HEATR5B: variants seen among roughly 807,000 people sequenced by gnomAD.
The protein encoded by HEATR5B is HEAT repeat containing 5B.
A neutral mutation model predicts 224.1 loss-of-function variants in HEATR5B; 156 were observed. The observed-to-expected ratio is 0.70, with a 90% CI of 0.61 to 0.80. The LOEUF is 0.80. HEATR5B is among the 30% of genes least tolerant of loss of function. HEATR5B has a pLI of 0.00. For missense variants in HEATR5B, 2,323 were observed against 2,535.5 expected, an observed-to-expected ratio of 0.92 and a Z score of 1.80; for synonymous variants, 1,027 against 893.0, an observed-to-expected ratio of 1.15 and a Z score of -2.68.
At chr2:36,982,370 A>G (rs1166983831) in intron 35 of HEATR5B, among the ~76,000 whole-genome samples, 1 of 152,208 alleles carries the variant, frequency 6.6e-6, no homozygotes, top group East Asian at 1.9e-4. Flanking sequence ...AGTCCTTAAA[A>G]AAGTATTTAT....
At chr2:37,059,795 T>C (rs570938785) in intron 12 of HEATR5B, among the ~76,000 whole-genome samples, 1 of 152,232 alleles carries the variant, frequency 6.6e-6, no homozygotes, top group South Asian at 2.1e-4. Context: ...TTTTTACATA[T>C]ATTTGTGTAA....
At chr2:37,065,427 C>A (rs959563622) in intron 9 of HEATR5B, among the ~76,000 whole-genome samples, 2 of 151,878 alleles carry the variant, frequency 1.3e-5, no homozygotes, top group African/African-American at 2.4e-5. Flanking sequence ...AATTCTCCTG[C>A]CTCAGCCTCC....
chr2:37,060,818 C>A, intron 11 of HEATR5B, 85 bp from the exon 12 acceptor site: 1 of 1,110,962 alleles, frequency 9.0e-7, no homozygotes, highest in Admixed American at 2.4e-5. Context: ...CCAACACAAA[C>A]TTTATGTAAT....
intron 2 of HEATR5B, among the ~76,000 whole-genome samples, chr2:37,079,609 A>G (rs1382171265): frequency 6.6e-6 from 1 of 152,194 alleles, no homozygotes; most frequent in African/African-American, 2.4e-5. Context: ...CAACTTACTA[A>G]GAAATAAACC....
chr2:37,058,946 C>T lies in HEATR5B; in HGVS notation c.1891G>A (p.Glu631Lys). ...FVAHCPELLTEDVIRKLMTPI... is the reference protein window; with the variant it reads ...FVAHCPELLTKDVIRKLMTPI... Reference sequence around the variant, plus strand: ...GTCATCAATTTTCGAATCACATCTTCAGTTAGTAGCTCAGGACAATGTGCA... The same window carrying T: ...GTCATCAATTTTCGAATCACATCTTTAGTTAGTAGCTCAGGACAATGTGCA... Residue 631 changes from glutamate to lysine, a missense_variant, in exon 13 of 36, where the codon GAA (glutamate) becomes AAA (lysine). Coordinates refer to ENST00000233099, the MANE Select transcript of HEATR5B (RefSeq NM_019024.3). The T allele has an allele frequency of 6.2e-7, 1 of 1,611,276 alleles. No individual in the cohort carries two copies. Among genetic ancestry groups the T allele is most frequent in the Non-Finnish European group, 8.5e-7 (1 of 1,178,286 alleles).
chr2:37,002,179 ACCAG>A, intron 32 of HEATR5B, 123 bp downstream of exon 32: 5 of 1,055,816 alleles, frequency 4.7e-6, no homozygotes, highest in Non-Finnish European at 6.9e-6. Flanking sequence ...TTAAAAAAAG[ACCAG>A]CTTCTTATTT....
intron 27 of HEATR5B, 89 bp downstream of exon 27, chr2:37,013,752 A>G: frequency 8.1e-7 from 1 of 1,227,686 alleles, no homozygotes; most frequent in Non-Finnish European, 1.1e-6. Context: ...TTTAAAAAAC[A>G]AAAATTTTTT....
chr2:37,015,252 A>C (rs1164465424), intron 26 of HEATR5B, among the ~76,000 whole-genome samples: 2 of 152,210 alleles, frequency 1.3e-5, no homozygotes, highest in African/African-American at 4.8e-5. Flanking sequence ...ATTCCATGGA[A>C]AATGAATTTA....
chr2:37,068,607 G>A, intron 8 of HEATR5B, 74 bp downstream of exon 8: 1 of 1,464,902 alleles, frequency 6.8e-7, no homozygotes, highest in Non-Finnish European at 9.4e-7. Context: ...CAGTCTTATG[G>A]ATATTTATTA....
In HEATR5B at chr2:37,007,297, T is replaced by C; in HGVS notation, c.4530A>G (p.Ala1510=). 1 of 1,610,328 alleles carries C rather than the reference T, an allele frequency of 6.2e-7. No individual in the cohort carries two copies. Among genetic ancestry groups the C allele is most frequent in the Non-Finnish European group, 8.5e-7 (1 of 1,177,910 alleles). ...TATCAATAGTTTCAGGGGTATAAAA[T>C]GCTCCACCTGTAAAGCAATCAAATC... is the stretch of plus-strand genomic sequence containing the variant. The part of the protein sequence containing the change: ...FSSQLPPDGG[A]FYTPETIDTA... Residue 1510 remains alanine, a synonymous_variant, in exon 29 of 36, where the codon GCA becomes GCG. Transcript: ENST00000233099.
chr2:37,001,657 GTTTTTC>G (rs1667098288), intron 32 of HEATR5B, among the ~76,000 whole-genome samples: 1 of 151,170 alleles, frequency 6.6e-6, no homozygotes. Flanking sequence ...ATTCTTCAGA[GTTTTTC>G]TTTTTCTTTC....
chr2:36,988,937 G>T, intron 34 of HEATR5B, 78 bp from the exon 35 acceptor site: 2 of 1,074,832 alleles, frequency 1.9e-6, no homozygotes, highest in Non-Finnish European at 2.8e-6. Flanking sequence ...ATCTTACTAT[G>T]TACTGAAAAT....
intron 18 of HEATR5B, among the ~76,000 whole-genome samples, chr2:37,042,717 C>A (rs1669949028): frequency 6.6e-6 from 1 of 151,930 alleles, no homozygotes. Context: ...AATGGTGAAA[C>A]CCTGTCTCTA....
At position 37,053,576 on chromosome 2, in the gene HEATR5B, C is replaced by T. The variant is rs756303456; in HGVS notation, c.2431G>A (p.Val811Ile). 1 of 1,605,936 alleles carries T rather than the reference C, an allele frequency of 6.2e-7. No homozygotes were observed. The highest frequency in any genetic ancestry group is 2.2e-5 in the East Asian group (1 of 44,692). The change falls in exon 17 of 36, where the codon GTT becomes ATT. Residue 811 changes from valine (V) to isoleucine (I), a missense_variant. Val to Ile is a conservative substitution (Grantham distance 29). This residue lies in a region of HEATR5B where 170 missense variants were observed against 216.7 expected (regional missense o/e 0.78). Transcript: ENST00000233099. The part of the protein sequence containing the change: ...LQMLDHFAEC[V>I]KQAKGVRQQA... Reference sequence around the variant, plus strand: ...TGGCGGACACCTTTAGCTTGTTTAACACATTCAGCAAAGTGATCCAACATT... The same window carrying T: ...TGGCGGACACCTTTAGCTTGTTTAATACATTCAGCAAAGTGATCCAACATT...
intron 33 of HEATR5B, among the ~76,000 whole-genome samples, chr2:36,999,735 G>A (rs966335813): frequency 5.9e-5 from 9 of 151,722 alleles, no homozygotes; most frequent in African/African-American, 1.5e-4. Context: ...CCTCCCGGCC[G>A]GGTGCGGTAG....
Position 37,032,757 on chromosome 2 carries a change from G to C in HEATR5B, c.3233C>G (p.Ser1078Cys), listed in dbSNP as rs878952831. Reference protein sequence around the residue: ...VPSLCVHLCSSHLLLRRAAVA... With the variant: ...VPSLCVHLCSCHLLLRRAAVA... ...AGCTGCTCGTCGAAGTAACAAATGG[G>C]AACTACATAAGTGAACCTGTAAATC... is the stretch of plus-strand genomic sequence containing the variant. The change falls in exon 22 of 36, where the codon TCC becomes TGC. Residue 1078 changes from serine to cysteine, a missense_variant. Coordinates refer to ENST00000233099, the MANE Select transcript of HEATR5B (RefSeq NM_019024.3). 1 of 1,613,390 alleles carries C rather than the reference G, an allele frequency of 6.2e-7. No individual in the cohort carries two copies. Among genetic ancestry groups the C allele is most frequent in the African/African-American group, 1.3e-5 (1 of 74,852 alleles).
At chr2:36,998,257 C>T (rs1478329036) in intron 33 of HEATR5B, among the ~76,000 whole-genome samples, 2 of 151,906 alleles carry the variant, frequency 1.3e-5, no homozygotes, top group East Asian at 3.8e-4. Context: ...AAGAAAAACA[C>T]AAAAATGTAA....
chr2:37,066,984 C>A (rs1043858952), intron 8 of HEATR5B, among the ~76,000 whole-genome samples: 1 of 152,018 alleles, frequency 6.6e-6, no homozygotes, highest in Admixed American at 6.6e-5. Context: ...GTCCTCCCAA[C>A]TCACCCTCCT....
intron 26 of HEATR5B, among the ~76,000 whole-genome samples, chr2:37,017,392 CA>C (rs1413931084): frequency 2.4e-4 from 34 of 142,296 alleles, no homozygotes; most frequent in Non-Finnish European, 3.8e-4. Context: ...GACTGTGTCT[CA>C]AAAAAAAAAT....
Sources: gnomAD v4.1 joint callset for allele counts (sites outside exome capture counted in the v4.1 genomes callset) on GRCh38, gnomAD v4.1.1 for gene constraint, gnomAD v4.1.1 regional missense constraint, MANE v1.5 for transcripts, NCBI Gene and HGNC (gene_info 2026-07-23, HGNC 2026-07-21) for gene names.